The following FNDC1 variants were observed in gnomAD, a reference collection of about 807,000 sequenced individuals.
The protein encoded by FNDC1 is fibronectin type III domain-containing protein 1.
A neutral mutation model predicts 168.0 loss-of-function variants in FNDC1; 96 were observed. That is an observed-to-expected ratio of 0.57 (90% CI 0.48 to 0.68). The LOEUF (loss-of-function observed/expected upper bound fraction) is 0.68, where lower values mean the gene tolerates loss of function less well. FNDC1 is among the 30% of genes least tolerant of loss of function. FNDC1 has a pLI of 0.00. For synonymous variants in FNDC1, 1,099 were observed against 1,025.9 expected (o/e 1.07, Z -1.36); for missense variants, 2,587 against 2,482.1 (o/e 1.04, Z -0.90).
Position 159,246,971 on chromosome 6 carries a change from T to G in FNDC1, c.4690+2T>G. On this transcript the variant is annotated splice_donor_variant, in intron 15 of 22. Transcript: ENST00000297267. LOFTEE classifies it high-confidence loss of function. Reference sequence around the variant, plus strand: ...AGGCCTACGTTATATATGATGAAGGTACAAACTGGCTTTTGAAAAATTATT... The same window carrying G: ...AGGCCTACGTTATATATGATGAAGGGACAAACTGGCTTTTGAAAAATTATT... 7 of 1,591,146 alleles carry G rather than the reference T, an allele frequency of 4.4e-6. No homozygotes were observed. The highest frequency in any genetic ancestry group is 1.1e-5 in the South Asian group (1 of 90,598).
chr6:159,183,999 G>A (rs1041152880), intron 1 of FNDC1, among the ~76,000 whole-genome samples: 7 of 152,212 alleles, frequency 4.6e-5, no homozygotes, highest in Non-Finnish European at 7.3e-5. Flanking sequence ...AGGGAACAAA[G>A]TATAGTAGAA....
intron 8 of FNDC1, 94 bp downstream of exon 8, chr6:159,225,816 C>G: frequency 9.0e-7 from 1 of 1,108,132 alleles, no homozygotes; most frequent in Non-Finnish European, 1.3e-6. Context: ...GTGACAAAGG[C>G]CAGCGTGGGC....
At chr6:159,248,185 A>G (rs938176952) in intron 15 of FNDC1, among the ~76,000 whole-genome samples, 1 of 151,908 alleles carries the variant, frequency 6.6e-6, no homozygotes, top group Non-Finnish European at 1.5e-5. Flanking sequence ...CATCTTTCTT[A>G]TCTTTGAACA....
At chr6:159,259,829 A>C (rs1212633316) in intron 18 of FNDC1, among the ~76,000 whole-genome samples, 1 of 152,270 alleles carries the variant, frequency 6.6e-6, no homozygotes, top group Non-Finnish European at 1.5e-5. Flanking sequence ...AATAAGATGC[A>C]AATGGCTTAG....
chr6:159,270,085 G>T (rs1339067939), intron 22 of FNDC1, among the ~76,000 whole-genome samples: 1 of 152,162 alleles, frequency 6.6e-6, no homozygotes, highest in Non-Finnish European at 1.5e-5. Context: ...AGCTACCCAG[G>T]AGGCTGAGAT....
intron 18 of FNDC1, 74 bp from the exon 19 acceptor site, chr6:159,261,116 A>C (rs1777473939): frequency 9.0e-7 from 1 of 1,108,126 alleles, no homozygotes; most frequent in Non-Finnish European, 1.4e-6. Context: ...GGTGTTCAGT[A>C]GTTTGGGAGT....
intron 4 of FNDC1, among the ~76,000 whole-genome samples, chr6:159,204,411 A>G (rs1782445432): frequency 6.6e-6 from 1 of 152,162 alleles, no homozygotes. Flanking sequence ...GACTCCTGGA[A>G]TCCCCATCTG....
intron 5 of FNDC1, 85 bp from the exon 6 acceptor site, chr6:159,221,513 T>G: frequency 9.5e-7 from 1 of 1,057,988 alleles, no homozygotes; most frequent in African/African-American, 1.6e-5. Context: ...GGAGGAGGAA[T>G]GCAGAACCCC....
In FNDC1 at chr6:159,200,114, G is replaced by T. The variant is rs1277718137; in HGVS notation, c.391+32G>T. On this transcript the variant is annotated intron_variant, in intron 3 of 22. Transcript: ENST00000297267. ...CCTATCTAGAATCAGAGGCTGTAGT[G>T]TTGTTACTTAGATTGGGAGAGACAT... 6.8e-6 allele frequency: 10 copies of T among 1,477,184 alleles called. No homozygotes were observed. The Admixed American group carries it at 7.6e-5, about 11-fold the overall frequency. The allele number at this position is 1,477,184 out of a possible 1,614,324, so 91.5% of individuals were successfully genotyped here.
intron 14 of FNDC1, 25 bp from the exon 15 acceptor site, chr6:159,246,876 T>A: frequency 6.4e-7 from 1 of 1,567,898 alleles, no homozygotes; most frequent in Non-Finnish European, 8.8e-7. Context: ...GCTGGATGAC[T>A]GGTCCTTTTC....
At chr6:159,188,038 T>C (rs1268480326) in intron 1 of FNDC1, among the ~76,000 whole-genome samples, 1 of 152,232 alleles carries the variant, frequency 6.6e-6, no homozygotes, top group East Asian at 1.9e-4. Context: ...CTGTGTTTTC[T>C]TCATTTCAGA....
intron 4 of FNDC1, among the ~76,000 whole-genome samples, chr6:159,210,296 G>T (rs1003057013): frequency 1.3e-5 from 2 of 152,208 alleles, no homozygotes; most frequent in Non-Finnish European, 2.9e-5. Flanking sequence ...GAGAGCTAGG[G>T]CTACCGATCC....
intron 18 of FNDC1, among the ~76,000 whole-genome samples, chr6:159,258,259 T>C (rs953903929): frequency 6.6e-6 from 1 of 152,202 alleles, no homozygotes; most frequent in African/African-American, 2.4e-5. Context: ...GGCCCTGCCC[T>C]CAAGGAGCTT....
At chr6:159,215,643 A>G (rs452090) in intron 5 of FNDC1, among the ~76,000 whole-genome samples, 73,436 of 151,964 alleles carry the variant, frequency 0.48, 20,172 homozygotes, top group African/African-American at 0.75. Flanking sequence ...TTAAGTATTA[A>G]CTCACACAAT....
At chr6:159,182,200 T>G (rs2114925457) in intron 1 of FNDC1, among the ~76,000 whole-genome samples, 1 of 152,326 alleles carries the variant, frequency 6.6e-6, no homozygotes, top group Admixed American at 6.5e-5. Flanking sequence ...CTAGATATCA[T>G]CTGAGCAGAT....
intron 2 of FNDC1, among the ~76,000 whole-genome samples, chr6:159,199,283 C>T (rs1782321979): frequency 6.6e-6 from 1 of 152,158 alleles, no homozygotes; most frequent in Non-Finnish European, 1.5e-5. Flanking sequence ...ATTTCCTTTC[C>T]CATCCCATCA....
At chr6:159,255,170 C>T (rs1031412645) in intron 17 of FNDC1, among the ~76,000 whole-genome samples, 2 of 152,200 alleles carry the variant, frequency 1.3e-5, no homozygotes, top group African/African-American at 4.8e-5. Flanking sequence ...TAGCTTGGCC[C>T]AAGGGTGCTG....
intron 19 of FNDC1, 50 bp from the exon 20 acceptor site, chr6:159,264,925 A>G: frequency 1.3e-6 from 2 of 1,509,688 alleles, no homozygotes; most frequent in Non-Finnish European, 1.8e-6. Context: ...AAAGAATTGC[A>G]TGATTGTGAA....
At position 159,251,335 on chromosome 6, in the gene FNDC1, C is replaced by T. The variant is rs2115015215; in HGVS notation, c.4868C>T (p.Ser1623Leu). 1.2e-6 allele frequency: 2 copies of T among 1,613,948 alleles called. No homozygotes were observed. The highest frequency in any genetic ancestry group is 1.7e-5 in the Admixed American group (1 of 60,026). Residue 1623 changes from serine to leucine, a missense_variant, in exon 17 of 23, where the codon TCA (serine) becomes TTA (leucine). Transcript: ENST00000297267. ...GTGACGTACCTAAATAAAGACCCAT[C>T]AGCCCCGTGCTCTCTGACTGATGCA... Reference protein sequence around the residue: ...PYVTYLNKDPSAPCSLTDALD... With the variant: ...PYVTYLNKDPLAPCSLTDALD...
Sources: gnomAD v4.1 joint callset for allele counts (sites outside exome capture counted in the v4.1 genomes callset) on GRCh38, gnomAD v4.1.1 for gene constraint, MANE v1.5 for transcripts, NCBI Gene and HGNC (gene_info 2026-07-23, HGNC 2026-07-21) for gene names.